The following DNAJC5B variants were observed in gnomAD, a reference collection of about 807,000 sequenced individuals.
DNAJC5B encodes DnaJ heat shock protein family (Hsp40) member C5 beta.
Under a neutral mutation model 24.7 loss-of-function variants are expected in DNAJC5B, and 23 were observed. The observed-to-expected ratio is 0.93, with a 90% confidence interval of 0.67 to 1.32. The LOEUF is 1.32. Ranked by LOEUF, DNAJC5B falls within the 40% of genes most tolerant of loss-of-function variation. The pLI, the probability that DNAJC5B is intolerant of heterozygous loss-of-function variation, is 0.00. For synonymous variants in DNAJC5B, 101 were observed against 90.1 expected (o/e 1.12, Z -0.68); for missense variants, 238 against 240.8 (o/e 0.99, Z 0.08).
At chr8:66,088,678 T>G (rs1319674309) in intron 5 of DNAJC5B, among the ~76,000 whole-genome samples, 1 of 152,180 alleles carries the variant, frequency 6.6e-6, no homozygotes. Context: ...CCAGATACCC[T>G]AAATCATCTC....
At position 66,077,343 on chromosome 8, in the gene DNAJC5B, T is replaced by C. The variant is rs1010698324; in HGVS notation, c.333+470T>C. Among the ~76,000 whole-genome samples the C allele has an allele frequency of 1.1e-4, 16 of 151,950 alleles. No individual in the cohort carries two copies. In the East Asian group the frequency reaches 1.5e-3, roughly 15 times the overall value. ...GCTGTGAGGTAGAGGAGAAGGAAAT[T>C]AGGGGGAAAAGGTGAGAATTTACTA... On this transcript the variant is annotated intron_variant, in intron 4 of 5. Transcript: ENST00000276570.
In DNAJC5B at chr8:66,100,999, C is replaced by A. The variant is rs959400206; in HGVS notation, c.*968C>A. Among the ~76,000 whole-genome samples the A allele has an allele frequency of 2.0e-5, 3 of 152,188 alleles. No individual in the cohort carries two copies. The highest frequency in any genetic ancestry group is 7.2e-5 in the African/African-American group (3 of 41,444). On this transcript the variant is annotated 3_prime_UTR_variant, in exon 6 of 6. Transcript: ENST00000276570. The stretch of plus-strand genomic sequence containing the variant: ...TTTATTATGTGGTAGAAACCATGTG[C>A]TATTTCTAAAATACTATGGCAGAAA...
rs140775727 is a variant in DNAJC5B, at chr8:66,035,996, G to C, written c.-141-7492G>C. On this transcript the variant is annotated intron_variant, in intron 1 of 5. Coordinates refer to ENST00000276570, the MANE Select transcript of DNAJC5B (RefSeq NM_033105.6). ...TGCTTTCCCTTCTAAATGGCAATCA[G>C]GGGTTGTAAACGCAGATGCCCCTGT... Among the ~76,000 whole-genome samples the C allele has an allele frequency of 3.2e-4, 49 of 152,316 alleles. No homozygotes were observed. The East Asian group carries it at 9.1e-3, about 28-fold the overall frequency.
At chr8:66,083,615 T>G (rs1368003606) in intron 5 of DNAJC5B, among the ~76,000 whole-genome samples, 1 of 152,188 alleles carries the variant, frequency 6.6e-6, no homozygotes, top group African/African-American at 2.4e-5. Context: ...ATGGACACAT[T>G]CACATTTTGT....
upstream of DNAJC5B, among the ~76,000 whole-genome samples, chr8:66,017,333 T>C (rs1264480078): frequency 1.3e-5 from 2 of 152,222 alleles, no homozygotes; most frequent in Non-Finnish European, 2.9e-5. Flanking sequence ...TAGCACTCCT[T>C]AAAAATGAAT....
intron 5 of DNAJC5B, among the ~76,000 whole-genome samples, chr8:66,094,750 T>C (rs1055445688): frequency 3.3e-5 from 5 of 152,098 alleles, no homozygotes; most frequent in Admixed American, 6.5e-5. Flanking sequence ...AGGTTTGCCG[T>C]AGGTTTTTGA....
intron 5 of DNAJC5B, among the ~76,000 whole-genome samples, chr8:66,091,765 C>T (rs1807853540): frequency 6.6e-6 from 1 of 151,956 alleles, no homozygotes; most frequent in African/African-American, 2.4e-5. Context: ...GGAAAAAGGA[C>T]TTGAGAGACT....
At chr8:66,060,553 T>C (rs1334371585) in intron 3 of DNAJC5B, among the ~76,000 whole-genome samples, 1 of 152,222 alleles carries the variant, frequency 6.6e-6, no homozygotes, top group African/African-American at 2.4e-5. Context: ...GTCCACCTGA[T>C]TCTGTGTTGA....
intron 5 of DNAJC5B, among the ~76,000 whole-genome samples, chr8:66,083,007 T>TCTC (rs1258594516): frequency 1.2e-4 from 15 of 126,154 alleles, no homozygotes; most frequent in Non-Finnish European, 1.5e-4. Context: ...TCTTTTCTTT[T>TCTC]TTTTTTTTTT....
chr8:66,070,862 C>G (rs1267641280), intron 3 of DNAJC5B, among the ~76,000 whole-genome samples: 1 of 152,074 alleles, frequency 6.6e-6, no homozygotes, highest in Non-Finnish European at 1.5e-5. Flanking sequence ...ATATATAGAC[C>G]AATGGAACAG....
chr8:66,050,412 C>T (rs913364898), intron 2 of DNAJC5B, among the ~76,000 whole-genome samples: 11 of 152,156 alleles, frequency 7.2e-5, no homozygotes, highest in Non-Finnish European at 1.5e-5. Flanking sequence ...CAAGAACAAC[C>T]GGAGCCAGGA....
intron 5 of DNAJC5B, among the ~76,000 whole-genome samples, chr8:66,087,363 C>A (rs1304611997): frequency 6.6e-6 from 1 of 152,148 alleles, no homozygotes; most frequent in Non-Finnish European, 1.5e-5. Context: ...ATGGAGATTA[C>A]AATTTGAGAT....
At chr8:66,092,630 A>G (rs1363814704) in intron 5 of DNAJC5B, among the ~76,000 whole-genome samples, 3 of 152,112 alleles carry the variant, frequency 2.0e-5, no homozygotes, top group Non-Finnish European at 4.4e-5. Context: ...TTCCCTCCTC[A>G]GACGTAATGA....
intron 3 of DNAJC5B, among the ~76,000 whole-genome samples, chr8:66,072,244 G>A (rs1807367463): frequency 6.6e-6 from 1 of 151,964 alleles, no homozygotes; most frequent in African/African-American, 2.4e-5. Flanking sequence ...AAGTTTATGG[G>A]CTTCTAAAAC....
chr8:66,093,618 G>A (rs1286396931), intron 5 of DNAJC5B, among the ~76,000 whole-genome samples: 1 of 151,910 alleles, frequency 6.6e-6, no homozygotes, highest in Non-Finnish European at 1.5e-5. Context: ...AATATTCTGG[G>A]TATTGATTCT....
chr8:66,093,821 C>T (rs1807896170), intron 5 of DNAJC5B, among the ~76,000 whole-genome samples: 1 of 152,074 alleles, frequency 6.6e-6, no homozygotes, highest in Non-Finnish European at 1.5e-5. Flanking sequence ...AAGATGTTCT[C>T]CTATATAGAT....
At position 66,085,364 on chromosome 8, in the gene DNAJC5B, C is replaced by T. The variant is rs539305848; in HGVS notation, c.505+4816C>T. Reference sequence around the variant, plus strand: ...CTGAGGCACGAGAATTGCTTGAACCCGGGAGGCAGAGGTTGCAGTGAGCAG... The same window carrying T: ...CTGAGGCACGAGAATTGCTTGAACCTGGGAGGCAGAGGTTGCAGTGAGCAG... On this transcript the variant is annotated intron_variant, in intron 5 of 5. Coordinates refer to ENST00000276570, the MANE Select transcript of DNAJC5B (RefSeq NM_033105.6). Among the ~76,000 whole-genome samples, 21 of 152,164 alleles carry T rather than the reference C, an allele frequency of 1.4e-4. 1 individual carries two copies. Among genetic ancestry groups the T allele is most frequent in the African/African-American group, 4.8e-5 (2 of 41,546 alleles).
intron 2 of DNAJC5B, among the ~76,000 whole-genome samples, chr8:66,047,866 T>C (rs1464456862): frequency 6.6e-6 from 1 of 152,162 alleles, no homozygotes; most frequent in Non-Finnish European, 1.5e-5. Context: ...TGGGAGTAAA[T>C]GTAGCCTTCC....
intron 3 of DNAJC5B, among the ~76,000 whole-genome samples, chr8:66,065,475 C>G (rs957625640): frequency 1.3e-5 from 2 of 152,128 alleles, no homozygotes; most frequent in African/African-American, 4.8e-5. Context: ...CCAAATGGTG[C>G]CCCGAGCTTT....
Sources: allele counts gnomAD v4.1 joint callset (sites outside exome capture counted in the v4.1 genomes callset), GRCh38; gene constraint gnomAD v4.1.1; transcripts MANE v1.5; gene names NCBI Gene and HGNC (gene_info 2026-07-23, HGNC 2026-07-21).